The following UBASH3A variants were observed in gnomAD, a reference collection of about 807,000 sequenced individuals.
UBASH3A encodes the protein ubiquitin-associated and SH3 domain-containing protein A.
A neutral mutation model predicts 73.5 loss-of-function variants in UBASH3A; 63 were observed. That is an observed-to-expected ratio of 0.86 (90% confidence interval 0.70 to 1.06). UBASH3A has a LOEUF of 1.06. Ranked by LOEUF, UBASH3A falls within the 50% of genes least tolerant of loss-of-function variation. The probability of loss-of-function intolerance (pLI) is 0.00; values close to 1 mark genes in which losing one functional copy is unlikely to be tolerated. For synonymous variants in UBASH3A, 363 were observed against 351.1 expected (o/e 1.03, Z -0.38); for missense variants, 860 against 859.0 (o/e 1.00, Z -0.02).
At chr21:42,443,242 A>G (rs1470163495) in intron 12 of UBASH3A, 70 bp from the exon 13 acceptor site, 38 of 1,505,776 alleles carry the variant, frequency 2.5e-5, no homozygotes, top group Non-Finnish European at 1.9e-5. Context: ...TTCCCCAGCT[A>G]ACTGCAGCTG....
chr21:42,429,914 T>G (rs2053499554), intron 8 of UBASH3A, among the ~76,000 whole-genome samples: 1 of 152,164 alleles, frequency 6.6e-6, no homozygotes, highest in African/African-American at 2.4e-5. Context: ...ACGTTCTCAC[T>G]GGCTCACCAA....
rs770780932 is a variant in UBASH3A at position 42,413,529 on chromosome 21, C to A, written c.667+6C>A. ...CCACTACATCCTTCAAAAATGTAAG[C>A]CATTAGAAAGCTTCCGGACCAGCTT... is the stretch of plus-strand genomic sequence containing the variant. On this transcript the variant is annotated splice_donor_region_variant and intron_variant, in intron 5 of 14. Coordinates refer to ENST00000319294, the MANE Select transcript of UBASH3A (RefSeq NM_018961.4). This position sits in a 1 kb window ranked among gnomAD's most constrained non-coding sequence, Gnocchi z 4.5. 1 of 1,602,588 alleles carries A rather than the reference C, an allele frequency of 6.2e-7. No homozygotes were observed. Among genetic ancestry groups the A allele is most frequent in the Admixed American group, 1.7e-5 (1 of 59,656 alleles).
chr21:42,442,379 A>C (rs1200172738), intron 11 of UBASH3A, 73 bp from the exon 12 acceptor site: 1 of 1,498,884 alleles, frequency 6.7e-7, no homozygotes, highest in East Asian at 2.3e-5. Flanking sequence ...TCTGAGATCT[A>C]AAAGGAGACT....
chr21:42,412,524 G>A (rs2053120870), intron 3 of UBASH3A, among the ~76,000 whole-genome samples: 1 of 152,324 alleles, frequency 6.6e-6, no homozygotes, highest in South Asian at 2.1e-4. Context: ...TGCCTTAGAG[G>A]AGTCCCTGTG....
chr21:42,437,416 G>A (rs2053644857), intron 10 of UBASH3A, 72 bp from the exon 11 acceptor site: 2 of 1,402,690 alleles, frequency 1.4e-6, no homozygotes, highest in South Asian at 2.3e-5. Context: ...ACCACAGGGA[G>A]CACATGGCTC....
At chr21:42,441,446 CA>C (rs1333252760) in intron 11 of UBASH3A, among the ~76,000 whole-genome samples, 1 of 72,412 alleles carries the variant, frequency 1.4e-5, no homozygotes, top group African/African-American at 5.3e-5. Context: ...CTTGGGGGCC[CA>C]GTTGATGGGG....
intron 12 of UBASH3A, 39 bp downstream of exon 12, chr21:42,442,635 C>G (rs370874050): frequency 9.8e-5 from 154 of 1,570,972 alleles, no homozygotes; most frequent in Middle Eastern, 5.1e-4. Context: ...GGGGCTTTTC[C>G]AGTTATTGTT....
intron 8 of UBASH3A, among the ~76,000 whole-genome samples, chr21:42,427,668 G>A (rs2053461720): frequency 6.6e-6 from 1 of 152,204 alleles, no homozygotes; most frequent in Non-Finnish European, 1.5e-5. Context: ...CAGATTGTTG[G>A]AAGGATTATG....
intron 11 of UBASH3A, among the ~76,000 whole-genome samples, chr21:42,439,973 A>C (rs980975205): frequency 7.5e-6 from 1 of 133,010 alleles, no homozygotes; most frequent in African/African-American, 2.9e-5. Context: ...ACATCCACAC[A>C]CACACCACAC....
intron 11 of UBASH3A, among the ~76,000 whole-genome samples, chr21:42,439,697 A>T (rs908869426): frequency 7.3e-6 from 1 of 137,664 alleles, no homozygotes; most frequent in Non-Finnish European, 1.5e-5. Context: ...CACACTACAC[A>T]CACCCACACA....
intron 9 of UBASH3A, among the ~76,000 whole-genome samples, chr21:42,433,283 G>T (rs946959852): frequency 6.6e-6 from 1 of 152,158 alleles, no homozygotes; most frequent in Non-Finnish European, 1.5e-5. Context: ...ATATTGCAGG[G>T]TTTAATAAAT....
chr21:42,415,265 C>T (rs1339382578), intron 5 of UBASH3A, among the ~76,000 whole-genome samples: 1 of 152,220 alleles, frequency 6.6e-6, no homozygotes, highest in South Asian at 2.1e-4. Context: ...CACACTCACT[C>T]GCATGGCAAG....
At position 42,409,430 on chromosome 21, in the gene UBASH3A, A is replaced by T. The variant is rs1364592450; in HGVS notation, c.176A>T (p.Asp59Val). 6.3e-7 allele frequency: 1 copy of T among 1,584,888 alleles called. No individual in the cohort carries two copies. Among genetic ancestry groups the T allele is most frequent in the Non-Finnish European group, 8.6e-7 (1 of 1,167,194 alleles). Reference protein sequence around the residue: ...TAEEALAWLHDHCNDPSLDDP... With the variant: ...TAEEALAWLHVHCNDPSLDDP... ...CTTGCTCTCTGTTGCAGGCTGCATG[A>T]TCATTGCAATGACCCTTCCCTAGAC... Residue 59 changes from aspartate to valine, a missense_variant, in exon 3 of 15, where the codon GAT becomes GTT. Asp to Val is a radical substitution (Grantham distance 152). Coordinates refer to ENST00000319294, the MANE Select transcript of UBASH3A (RefSeq NM_018961.4).
At chr21:42,420,053 C>T (rs1255829730) in intron 7 of UBASH3A, among the ~76,000 whole-genome samples, 1 of 152,158 alleles carries the variant, frequency 6.6e-6, no homozygotes, top group African/African-American at 2.4e-5. Flanking sequence ...AGTAGCACCC[C>T]ATTCCTGATA....
intron 12 of UBASH3A, 193 bp from the exon 13 acceptor site, chr21:42,443,119 T>C: frequency 7.3e-7 from 1 of 1,378,440 alleles, no homozygotes; most frequent in Non-Finnish European, 9.4e-7. Context: ...TGAGTAAGAA[T>C]GTGTGCTGGA....
intron 7 of UBASH3A, among the ~76,000 whole-genome samples, chr21:42,425,306 T>C (rs1274713161): frequency 6.6e-6 from 1 of 152,228 alleles, no homozygotes; most frequent in Admixed American, 6.5e-5. Context: ...TTTGAAAGAC[T>C]AGCAAAATGC....
intron 14 of UBASH3A, among the ~76,000 whole-genome samples, chr21:42,445,792 C>T (rs952600890): frequency 6.6e-6 from 1 of 152,124 alleles, no homozygotes; most frequent in Non-Finnish European, 1.5e-5. Flanking sequence ...CAGACATTTC[C>T]GAGCGCCCTG....
At chr21:42,407,722 T>C (rs9981708) in intron 2 of UBASH3A, among the ~76,000 whole-genome samples, 7,643 of 152,300 alleles carry the variant, frequency 0.05, 681 homozygotes, top group African/African-American at 0.17. Flanking sequence ...CTTGGCAATA[T>C]GCACAGCCCA....
chr21:42,427,542 A>G (rs952875568), intron 8 of UBASH3A, among the ~76,000 whole-genome samples: 2 of 152,076 alleles, frequency 1.3e-5, no homozygotes, highest in Admixed American at 6.5e-5. Context: ...GCTATCCCCA[A>G]TCGACACAGG....
Sources: allele counts gnomAD v4.1 joint callset (sites outside exome capture counted in the v4.1 genomes callset), GRCh38; gene constraint gnomAD v4.1.1; non-coding constraint Gnocchi (gnomAD v3.1); transcripts MANE v1.5; gene names NCBI Gene and HGNC (gene_info 2026-07-23, HGNC 2026-07-21).